Variants in SLC35F1 observed in about 807,000 individuals in gnomAD.
SLC35F1 encodes the protein solute carrier family 35 member F1.
A neutral mutation model predicts 48.7 loss-of-function variants in SLC35F1; 14 were observed. That is an observed-to-expected ratio of 0.29 (90% CI 0.19 to 0.45). The LOEUF (loss-of-function observed/expected upper bound fraction) is 0.45. Among genes scored for constraint, SLC35F1 ranks in the 20% least tolerant of loss-of-function variants. The probability of loss-of-function intolerance (pLI) is 1.00; values close to 1 mark genes in which losing one functional copy is unlikely to be tolerated. For missense variants in SLC35F1, 404 were observed against 500.0 expected, an observed-to-expected ratio of 0.81 and a Z score of 1.83; for synonymous variants, 190 against 202.2, an observed-to-expected ratio of 0.94 and a Z score of 0.51.
At chr6:118,144,674 G>T (rs1773945514) in intron 1 of SLC35F1, among the ~76,000 whole-genome samples, 1 of 151,386 alleles carries the variant, frequency 6.6e-6, no homozygotes, top group South Asian at 2.1e-4. Flanking sequence ...ATCCCAGGGG[G>T]ATATGTGATC....
In SLC35F1 at chr6:118,039,799, G is replaced by GTTTTTTTTTTTTT. The variant is rs149879230; in HGVS notation, c.174-114638_174-114637insTTTTTTTTTTTTT. On this transcript the variant is annotated intron_variant, in intron 1 of 7. Coordinates refer to ENST00000360388, the MANE Select transcript of SLC35F1 (RefSeq NM_001029858.4). ...TTTAACATCTAAGCATCTCAGGATT[G>GTTTTTTTTTTTTT]TTTTTTTTGTTTTTTTTTTTTGCTT... Among the ~76,000 whole-genome samples, 52 of 106,834 alleles carry GTTTTTTTTTTTTT rather than the reference G, an allele frequency of 4.9e-4. 7 individuals are homozygous for GTTTTTTTTTTTTT. The highest frequency in any genetic ancestry group is 5.5e-4 in the African/African-American group (17 of 30,888). 70.1% of individuals were successfully genotyped at this position (106,834 alleles called of 152,430 possible).
intron 7 of SLC35F1, among the ~76,000 whole-genome samples, chr6:118,289,896 A>G (rs772296696): frequency 2.6e-5 from 4 of 152,358 alleles, no homozygotes; most frequent in East Asian, 1.9e-4. Flanking sequence ...GCTACACAGC[A>G]TGCCACAAAA....
intron 2 of SLC35F1, among the ~76,000 whole-genome samples, chr6:118,205,159 C>T (rs1219540323): frequency 1.3e-5 from 2 of 152,158 alleles, no homozygotes; most frequent in Non-Finnish European, 2.9e-5. Context: ...GAAGGCAGCT[C>T]ATAGGACATT....
intron 1 of SLC35F1, among the ~76,000 whole-genome samples, chr6:118,127,608 T>C (rs1480423246): frequency 6.6e-6 from 1 of 152,030 alleles, no homozygotes; most frequent in African/African-American, 2.4e-5. Flanking sequence ...GCTAGCCATA[T>C]GTAGAAAGCT....
chr6:117,972,358 G>A (rs1776652918), intron 1 of SLC35F1, among the ~76,000 whole-genome samples: 1 of 152,078 alleles, frequency 6.6e-6, no homozygotes, highest in African/African-American at 2.4e-5. Flanking sequence ...GTTTTTCTGA[G>A]CCCTCCAAGT....
intron 2 of SLC35F1, among the ~76,000 whole-genome samples, chr6:118,168,979 G>A (rs205949): frequency 0.13 from 19,954 of 152,176 alleles, 3,510 homozygotes; most frequent in African/African-American, 0.4. Flanking sequence ...CAGGAAGAGA[G>A]AGCAAAATAT....
chr6:117,920,509 C>T (rs1260126214), intron 1 of SLC35F1, among the ~76,000 whole-genome samples: 1 of 152,164 alleles, frequency 6.6e-6, no homozygotes, highest in Non-Finnish European at 1.5e-5. Context: ...CACAACCAAC[C>T]AAACAAAAAT....
Position 118,315,686 on chromosome 6 carries a change from A to C in SLC35F1, c.*1434A>C, listed in dbSNP as rs574448830. Reference sequence around the variant, plus strand: ...GATCTCCTGACCTCGTGATCCGCCCACCTTGGCCTCCCGAAGTGCTGGGAT... The same window carrying C: ...GATCTCCTGACCTCGTGATCCGCCCCCCTTGGCCTCCCGAAGTGCTGGGAT... On this transcript the variant is annotated 3_prime_UTR_variant, in exon 8 of 8. Transcript: ENST00000360388. 1 of 152,042 alleles carries C rather than the reference A, an allele frequency of 6.6e-6. No individual in the cohort carries two copies. The highest frequency in any genetic ancestry group is 6.6e-5 in the Admixed American group (1 of 15,260). 9.4% of individuals were successfully genotyped at this position (152,042 alleles called of 1,614,324 possible).
At chr6:118,174,892 A>G (rs985950509) in intron 2 of SLC35F1, among the ~76,000 whole-genome samples, 9 of 152,046 alleles carry the variant, frequency 5.9e-5, no homozygotes, top group African/African-American at 2.2e-4. Context: ...GAAGTGCTGA[A>G]GAAAAAAAAA....
chr6:118,266,609 T>C (rs1775776725), intron 3 of SLC35F1, among the ~76,000 whole-genome samples: 1 of 152,042 alleles, frequency 6.6e-6, no homozygotes, highest in South Asian at 2.1e-4. Context: ...ACTCGTAAAA[T>C]AGGGGGACAA....
intron 1 of SLC35F1, among the ~76,000 whole-genome samples, chr6:117,968,409 A>G (rs979879839): frequency 6.6e-6 from 1 of 152,184 alleles, no homozygotes; most frequent in African/African-American, 2.4e-5. Flanking sequence ...CAGGATGATT[A>G]ATCATTAAGA....
chr6:118,077,835 C>T (rs949112684), intron 1 of SLC35F1, among the ~76,000 whole-genome samples: 1 of 152,192 alleles, frequency 6.6e-6, no homozygotes, highest in Non-Finnish European at 1.5e-5. Flanking sequence ...AGCAAGAAAT[C>T]ACAGTCTAAA....
At chr6:118,267,683 T>C (rs757212815) in intron 4 of SLC35F1, among the ~76,000 whole-genome samples, 2 of 152,160 alleles carry the variant, frequency 1.3e-5, no homozygotes, top group Non-Finnish European at 2.9e-5. Context: ...TGCTCCATAA[T>C]TTTAGGAGGG....
intron 6 of SLC35F1, 132 bp downstream of exon 6, chr6:118,277,678 T>C: frequency 1.3e-6 from 1 of 770,438 alleles, no homozygotes; most frequent in Non-Finnish European, 2.2e-6. Flanking sequence ...ATGAAATCCC[T>C]TTGTCATTTC....
Position 118,182,513 on chromosome 6 carries a change from AGAGAGAGAAGGAAGGAAGGAAG to A in SLC35F1, c.349+27896_349+27917del, listed in dbSNP as rs1394835146. The stretch of plus-strand genomic sequence containing the variant: ...TCAAAAAAAAAAAAGAAAGAGAGAG[AGAGAGAGAAGGAAGGAAGGAAG>A]GAAGGAAGGAAGGAAGGAAGGAAGG... On this transcript the variant is annotated intron_variant, in intron 2 of 7. Transcript: ENST00000360388. Among the ~76,000 whole-genome samples, 422 of 139,476 alleles carry A rather than the reference AGAGAGAGAAGGAAGGAAGGAAG, an allele frequency of 3.0e-3. 2 individuals are homozygous for A. The highest frequency in any genetic ancestry group is 0.011 in the African/African-American group (410 of 38,362). The allele number at this position is 139,476 out of a possible 152,430, so 91.5% of individuals were successfully genotyped here. A position where few individuals can be genotyped will look rare whatever the true frequency, so the allele number is the denominator to read the frequency against.
At chr6:118,035,618 A>C (rs1341997763) in intron 1 of SLC35F1, among the ~76,000 whole-genome samples, 1 of 132,326 alleles carries the variant, frequency 7.6e-6, no homozygotes, top group Non-Finnish European at 1.7e-5. Flanking sequence ...CCGTCTCACA[A>C]AAAAAAAACA....
intron 6 of SLC35F1, among the ~76,000 whole-genome samples, chr6:118,281,128 C>A (rs1275088270): frequency 6.7e-6 from 1 of 149,346 alleles, no homozygotes; most frequent in African/African-American, 2.5e-5. Flanking sequence ...AAGACGAAAT[C>A]AAATATATGT....
Position 118,036,056 on chromosome 6 carries a change from T to C in SLC35F1, c.174-118389T>C, listed in dbSNP as rs547664223. On this transcript the variant is annotated intron_variant, in intron 1 of 7. Transcript: ENST00000360388. ...TATCCCATTTATTTCTGCTGTTACT[T>C]TTGCTGTTTCCTAACTTCTATTTAT... 5.9e-5 allele frequency among the ~76,000 whole-genome samples: 9 copies of C among 152,256 alleles called. No individual in the cohort carries two copies. In the South Asian group the frequency reaches 1.7e-3, roughly 28 times the overall value.
At position 118,167,181 on chromosome 6, in the gene SLC35F1, C is replaced by A. The variant is rs543818354; in HGVS notation, c.349+12561C>A. On this transcript the variant is annotated intron_variant, in intron 2 of 7. Coordinates refer to ENST00000360388, the MANE Select transcript of SLC35F1 (RefSeq NM_001029858.4). Reference sequence around the variant, plus strand: ...TCCCTTCTCCTACCCCCTCCAAGTTCACAGATAAGAGGAGGAGAGTGACGA... The same window carrying A: ...TCCCTTCTCCTACCCCCTCCAAGTTAACAGATAAGAGGAGGAGAGTGACGA... Among the ~76,000 whole-genome samples, 159 of 152,220 alleles carry A rather than the reference C, an allele frequency of 1.0e-3. 1 individual carries two copies. Among genetic ancestry groups the A allele is most frequent in the Non-Finnish European group, 2.0e-3 (134 of 68,014 alleles).
Sources: gnomAD v4.1 joint callset for allele counts (sites outside exome capture counted in the v4.1 genomes callset) on GRCh38, gnomAD v4.1.1 for gene constraint, MANE v1.5 for transcripts, NCBI Gene and HGNC (gene_info 2026-07-23, HGNC 2026-07-21) for gene names.